ELP4: variants seen among roughly 807,000 people sequenced by gnomAD.
ELP4 encodes elongator complex protein 4.
Under a neutral mutation model 48.9 loss-of-function variants are expected in ELP4, and 51 were observed. The ratio of observed to expected loss-of-function variants is 1.04; its 90% CI spans 0.83 to 1.32. The LOEUF (loss-of-function observed/expected upper bound fraction) is 1.32. Ranked by LOEUF, ELP4 falls within the 40% of genes most tolerant of loss-of-function variation. ELP4 has a pLI of 0.00. For missense variants in ELP4, 519 were observed against 514.6 expected (o/e 1.01, Z -0.08); for synonymous variants, 210 against 189.2 (o/e 1.11, Z -0.90).
chr11:31,609,118 C>T (rs1957928850), intron 5 of ELP4, among the ~76,000 whole-genome samples: 1 of 152,154 alleles, frequency 6.6e-6, no homozygotes, highest in Non-Finnish European at 1.5e-5. Context: ...TTTTTGGTGT[C>T]CTTGGGCTGG....
Position 31,539,685 on chromosome 11 carries a change from T to C in ELP4, c.283T>C (p.Ser95Pro), listed in dbSNP as rs1956562360. 1 of 1,607,536 alleles carries C rather than the reference T, an allele frequency of 6.2e-7. No individual in the cohort carries two copies. Among genetic ancestry groups the C allele is most frequent in the African/African-American group, 1.3e-5 (1 of 74,886 alleles). ...AGAGGAGGATAAATATAATATTTAC[T>C]CACCTTTGCTCTTCAAGTATTTCCT... ...LIEEDKYNIYSPLLFKYFLAE... is the reference protein window; with the variant it reads ...LIEEDKYNIYPPLLFKYFLAE... Residue 95 changes from serine to proline, a missense_variant, in exon 3 of 10, where the codon TCA becomes CCA. Physicochemically the swap from Ser to Pro is moderately conservative, Grantham distance 74 (BLOSUM62 -1). Transcript: ENST00000640961.
chr11:31,560,740 T>TTTTATATATATATAAAACAACATTTA, intron 3 of ELP4, among the ~76,000 whole-genome samples: 1 of 150,548 alleles, frequency 6.6e-6, no homozygotes, highest in East Asian at 1.9e-4. Context: ...AACAACATTG[T>TTTTATATATATATAAAACAACATTTA]TTTGTATATA....
chr11:31,746,621 G>T (rs1436908892), intron 9 of ELP4, among the ~76,000 whole-genome samples: 3 of 152,014 alleles, frequency 2.0e-5, no homozygotes, highest in African/African-American at 7.3e-5. Flanking sequence ...CATCATTCTT[G>T]GCAAACTATC....
At chr11:31,728,902 CT>C (rs1947129446) in intron 9 of ELP4, among the ~76,000 whole-genome samples, 1 of 152,036 alleles carries the variant, frequency 6.6e-6, no homozygotes, top group African/African-American at 2.4e-5. Flanking sequence ...ATCTCCTTGC[CT>C]CGTGATAAAT....
At chr11:31,586,008 C>T (rs1207460442) in intron 3 of ELP4, among the ~76,000 whole-genome samples, 3 of 152,010 alleles carry the variant, frequency 2.0e-5, no homozygotes, top group Non-Finnish European at 4.4e-5. Context: ...TCACTTGAGC[C>T]CAGGAGTTCA....
chr11:31,779,894 C>T (rs989639934), intron 9 of ELP4: 1 of 152,226 alleles, frequency 6.6e-6, no homozygotes, highest in African/African-American at 2.4e-5. Context: ...ACAGTCTCTT[C>T]CTCCCAGAAT....
chr11:31,545,364 AACTGGAAGAAAGGGTATCAGCGATGGAAG>A (rs1252275721), intron 3 of ELP4, among the ~76,000 whole-genome samples: 10 of 152,228 alleles, frequency 6.6e-5, no homozygotes, highest in African/African-American at 2.4e-4. Flanking sequence ...CGATGCGATC[AACTGGAAGAAAGGGTATCAGCGATGGAAG>A]ATGAAATGAA....
At chr11:31,539,607 C>G in intron 2 of ELP4, 55 bp from the exon 3 acceptor site, 1 of 1,524,480 alleles carries the variant, frequency 6.6e-7, no homozygotes, top group Non-Finnish European at 8.8e-7. Context: ...TGTTTGATAG[C>G]CATTTGATTC....
At chr11:31,584,434 A>C (rs1189667109) in intron 3 of ELP4, among the ~76,000 whole-genome samples, 3 of 152,066 alleles carry the variant, frequency 2.0e-5, no homozygotes, top group Admixed American at 1.3e-4. Flanking sequence ...TGATTTATTT[A>C]TTATATATAA....
At chr11:31,745,990 C>T (rs1947580247) in intron 9 of ELP4, among the ~76,000 whole-genome samples, 1 of 152,200 alleles carries the variant, frequency 6.6e-6, no homozygotes, top group East Asian at 1.9e-4. Flanking sequence ...GCAACCTACT[C>T]ATCTGACAAA....
In ELP4 at chr11:31,629,409, T is replaced by G. The variant is rs1273962986; in HGVS notation, c.738+2215T>G. On this transcript the variant is annotated intron_variant, in intron 6 of 9. Coordinates refer to ENST00000640961, the MANE Select transcript of ELP4 (RefSeq NM_019040.5). ...ATAGTTCAGCCTTTGTTTTTGCAAT[T>G]ACCATTATATTTTTTAAAATATAAG... is the stretch of plus-strand genomic sequence containing the variant. Among the ~76,000 whole-genome samples the G allele has an allele frequency of 2.6e-5, 4 of 152,026 alleles. No individual in the cohort carries two copies. In the East Asian group the frequency reaches 5.8e-4, roughly 22 times the overall value.
At chr11:31,689,656 T>C (rs1946234291) in intron 9 of ELP4, among the ~76,000 whole-genome samples, 1 of 152,064 alleles carries the variant, frequency 6.6e-6, no homozygotes, top group Non-Finnish European at 1.5e-5. Context: ...TGACTTCCCA[T>C]CTTATGTTCT....
At chr11:31,782,717 A>G (rs948889089) in intron 9 of ELP4, among the ~76,000 whole-genome samples, 4 of 152,202 alleles carry the variant, frequency 2.6e-5, no homozygotes, top group African/African-American at 9.6e-5. Flanking sequence ...AAGCAACACT[A>G]TACTTTTGAA....
rs1592311715 is a variant in ELP4, at chr11:31,783,635, C to T, written c.*111C>T. The T allele has an allele frequency of 4.9e-5, 50 of 1,010,560 alleles. 1 individual carries two copies. The East Asian group carries it at 1.3e-3, about 27-fold the overall frequency. The allele number at this position is 1,010,560 out of a possible 1,614,324, so 62.6% of individuals were successfully genotyped here. Reference sequence around the variant, plus strand: ...ATTTGACCCTCCACTCCTTGAAAAACACAGGATTATAAAATGGTGCCGCCA... The same window carrying T: ...ATTTGACCCTCCACTCCTTGAAAAATACAGGATTATAAAATGGTGCCGCCA... On this transcript the variant is annotated 3_prime_UTR_variant, in exon 10 of 10. Coordinates refer to ENST00000640961, the MANE Select transcript of ELP4 (RefSeq NM_019040.5).
chr11:31,700,871 C>T (rs1004450905), intron 9 of ELP4, among the ~76,000 whole-genome samples: 8 of 151,956 alleles, frequency 5.3e-5, no homozygotes, highest in African/African-American at 1.9e-4. Flanking sequence ...TACTAGAAAA[C>T]CTTTTTCTTT....
At chr11:31,588,988 T>A (rs906663322) in intron 3 of ELP4, among the ~76,000 whole-genome samples, 22 of 151,962 alleles carry the variant, frequency 1.4e-4, no homozygotes, top group African/African-American at 5.3e-4. Context: ...GTCTCAAAAA[T>A]AATAATAATA....
At chr11:31,748,262 T>C (rs1343090636) in intron 9 of ELP4, among the ~76,000 whole-genome samples, 2 of 150,034 alleles carry the variant, frequency 1.3e-5, no homozygotes, top group East Asian at 3.9e-4. Context: ...TTTTTTTTTT[T>C]GAGATGGAAT....
intron 1 of ELP4, among the ~76,000 whole-genome samples, chr11:31,515,895 G>T (rs1284202172): frequency 6.6e-6 from 1 of 152,210 alleles, no homozygotes; most frequent in Non-Finnish European, 1.5e-5. Flanking sequence ...CGGATCACGA[G>T]GTCAGGAGAT....
chr11:31,670,100 T>C (rs995568664), intron 9 of ELP4, among the ~76,000 whole-genome samples: 1 of 152,172 alleles, frequency 6.6e-6, no homozygotes, highest in African/African-American at 2.4e-5. Context: ...AGTTTGTTAC[T>C]TGATGCATTA....
Sources: gnomAD v4.1 joint callset for allele counts (sites outside exome capture counted in the v4.1 genomes callset) on GRCh38, gnomAD v4.1.1 for gene constraint, MANE v1.5 for transcripts, NCBI Gene and HGNC (gene_info 2026-07-23, HGNC 2026-07-21) for gene names.